Variants in NUMB observed in about 807,000 individuals in gnomAD.
NUMB encodes the protein protein numb homolog.
NUMB carries 29 observed loss-of-function variants against 59.7 expected under a neutral mutation model. The ratio of observed to expected loss-of-function variants is 0.49; its 90% CI spans 0.36 to 0.66. The LOEUF (loss-of-function observed/expected upper bound fraction) is 0.66, where lower values mean the gene tolerates loss of function less well. Among genes scored for constraint, NUMB ranks in the 30% least tolerant of loss-of-function variants. The pLI is 0.00. For synonymous variants in NUMB, 288 were observed against 288.2 expected, an observed-to-expected ratio of 1.00 and a Z score of 0.01; for missense variants, 723 against 822.0, an observed-to-expected ratio of 0.88 and a Z score of 1.47.
chr14:73,428,724 T>C (rs2140164444), intron 1 of NUMB, among the ~76,000 whole-genome samples: 1 of 152,194 alleles, frequency 6.6e-6, no homozygotes, highest in Middle Eastern at 3.4e-3. Context: ...GTTCAAGGCT[T>C]GAGCTTGAGC....
chr14:73,394,306 TG>T (rs1370060463), intron 2 of NUMB, among the ~76,000 whole-genome samples: 1 of 152,046 alleles, frequency 6.6e-6, no homozygotes, highest in Non-Finnish European at 1.5e-5. Flanking sequence ...GTATACATTG[TG>T]AAATGGTTAA....
chr14:73,389,260 G>T, intron 2 of NUMB, among the ~76,000 whole-genome samples: 1 of 108,778 alleles, frequency 9.2e-6, no homozygotes, highest in African/African-American at 3.8e-5. Flanking sequence ...TACAGAGCGA[G>T]ACTCCATCTC....
chr14:73,442,750 C>T (rs571750849), intron 1 of NUMB, among the ~76,000 whole-genome samples: 6 of 152,160 alleles, frequency 3.9e-5, no homozygotes, highest in South Asian at 4.1e-4. Context: ...GAGTTGCCTG[C>T]GGGAATAGAA....
intron 11 of NUMB, among the ~76,000 whole-genome samples, chr14:73,280,406 T>C (rs1361248047): frequency 1.3e-5 from 2 of 152,034 alleles, no homozygotes; most frequent in African/African-American, 4.8e-5. Flanking sequence ...TTTTTTTTTT[T>C]TAACTCTCCT....
intron 2 of NUMB, among the ~76,000 whole-genome samples, chr14:73,379,651 G>C (rs1238946309): frequency 1.3e-5 from 2 of 152,182 alleles, no homozygotes; most frequent in Non-Finnish European, 2.9e-5. Flanking sequence ...AGGCAGTTGA[G>C]TAGTAAGAGG....
At chr14:73,398,657 A>G (rs527959356) in intron 2 of NUMB, among the ~76,000 whole-genome samples, 1 of 152,170 alleles carries the variant, frequency 6.6e-6, no homozygotes, top group South Asian at 2.1e-4. Flanking sequence ...CAACCTCACA[A>G]TCAATCACAG....
In NUMB at chr14:73,384,606, C is replaced by A. The variant is rs545091841; in HGVS notation, c.-100-17625G>T. Among the ~76,000 whole-genome samples, 3 of 152,304 alleles carry A rather than the reference C, an allele frequency of 2.0e-5. No homozygotes were observed. The South Asian group carries it at 6.2e-4, about 32-fold the overall frequency. On this transcript the variant is annotated intron_variant, in intron 2 of 12. Transcript: ENST00000555238. Reference sequence around the variant, plus strand: ...TTTTTGAGACAGGGTCTGGCTCTCTCGCCTACGCTGGAGTGCCATAGGGTG... The same window carrying A: ...TTTTTGAGACAGGGTCTGGCTCTCTAGCCTACGCTGGAGTGCCATAGGGTG...
At chr14:73,445,354 CAAAAAAAAAAAAAAAAAAAAAAA>C (rs752154048) in intron 1 of NUMB, among the ~76,000 whole-genome samples, 616 of 57,572 alleles carry the variant, frequency 0.011, 11 homozygotes, top group Non-Finnish European at 0.015. Flanking sequence ...GACCCTGTCT[CAAAAAAAAAAAAAAAAAAAAAAA>C]AAAAAAAAAA....
chr14:73,281,946 TG>T (rs777201663), intron 11 of NUMB, among the ~76,000 whole-genome samples: 42 of 152,150 alleles, frequency 2.8e-4, no homozygotes, highest in Non-Finnish European at 5.1e-4. Flanking sequence ...AGCCCCAAAA[TG>T]TCTCCAGACA....
rs866565788 is a variant in NUMB at position 73,378,038 on chromosome 14, T to C, written c.-100-11057A>G. On this transcript the variant is annotated intron_variant, in intron 2 of 12. Transcript: ENST00000555238. The stretch of plus-strand genomic sequence containing the variant: ...ACACACATACACACACACACACACA[T>C]ACCAAAAAACTTAAAACTTAACAGT... Among the ~76,000 whole-genome samples the C allele has an allele frequency of 1.3e-3, 152 of 120,278 alleles. 1 individual carries two copies. The highest frequency in any genetic ancestry group is 3.5e-3 in the African/African-American group (106 of 29,860). The allele number at this position is 120,278 out of a possible 152,430, so 78.9% of individuals were successfully genotyped here.
At chr14:73,387,976 A>G (rs927101930) in intron 2 of NUMB, among the ~76,000 whole-genome samples, 44 of 150,834 alleles carry the variant, frequency 2.9e-4, no homozygotes, top group Non-Finnish European at 4.9e-4. Context: ...AAAAAAAAAA[A>G]AATTAGCTGG....
At chr14:73,296,573 G>A (rs1202504605) in intron 7 of NUMB, among the ~76,000 whole-genome samples, 1 of 152,168 alleles carries the variant, frequency 6.6e-6, no homozygotes, top group African/African-American at 2.4e-5. Context: ...AACTAAAGTG[G>A]TTTCCTGAAC....
chr14:73,406,224 C>T (rs1251505043), intron 2 of NUMB, among the ~76,000 whole-genome samples: 3 of 150,910 alleles, frequency 2.0e-5, no homozygotes, highest in Non-Finnish European at 4.4e-5. Flanking sequence ...AGGTAAATCT[C>T]CTAATGCTAT....
rs554457309 is a variant in NUMB, at chr14:73,316,152, T to C, written c.234+238A>G. 1.1e-4 allele frequency among the ~76,000 whole-genome samples: 16 copies of C among 152,338 alleles called. No homozygotes were observed. In the East Asian group the frequency reaches 2.3e-3, roughly 22 times the overall value. ...TCCCAAAGTGCTGGGATTACAGACA[T>C]GAGCCACCGTGTCCAGCCTATTTAT... is the stretch of plus-strand genomic sequence containing the variant. On this transcript the variant is annotated intron_variant, in intron 6 of 12. Transcript: ENST00000555238.
chr14:73,430,000 T>C (rs1897756469), intron 1 of NUMB, among the ~76,000 whole-genome samples: 1 of 151,970 alleles, frequency 6.6e-6, no homozygotes, highest in South Asian at 2.1e-4. Context: ...TGCATCAACC[T>C]ATACTGCATT....
chr14:73,347,408 A>G (rs915628140), intron 4 of NUMB, among the ~76,000 whole-genome samples: 1 of 152,114 alleles, frequency 6.6e-6, no homozygotes, highest in Non-Finnish European at 1.5e-5. Context: ...AAACACAGCC[A>G]CCACCACCAA....
intron 1 of NUMB, among the ~76,000 whole-genome samples, chr14:73,438,701 G>T (rs1158664966): frequency 6.7e-6 from 1 of 149,860 alleles, no homozygotes; most frequent in Non-Finnish European, 1.5e-5. Context: ...ATATGATGTT[G>T]TTTAAAAAGC....
intron 8 of NUMB, 114 bp downstream of exon 8, chr14:73,292,620 G>T: frequency 1.0e-6 from 1 of 970,270 alleles, no homozygotes. Flanking sequence ...GGCTAGTTTA[G>T]GCACTTCCAA....
chr14:73,335,903 G>A (rs1374574650), intron 4 of NUMB, among the ~76,000 whole-genome samples: 1 of 152,196 alleles, frequency 6.6e-6, no homozygotes, highest in Non-Finnish European at 1.5e-5. Context: ...AGCAAAACTT[G>A]TTTTGAGTCT....
Sources: gnomAD v4.1 joint callset for allele counts (sites outside exome capture counted in the v4.1 genomes callset) on GRCh38, gnomAD v4.1.1 for gene constraint, MANE v1.5 for transcripts, NCBI Gene and HGNC (gene_info 2026-07-23, HGNC 2026-07-21) for gene names.